Variants in PLAUR observed in about 807,000 individuals in gnomAD.
The protein encoded by PLAUR is plasminogen activator, urokinase receptor.
In PLAUR, 22 loss-of-function variants were observed where a neutral mutation model predicts 33.4. That is an observed-to-expected ratio of 0.66 (90% CI 0.47 to 0.94). The LOEUF is 0.94. Among genes scored for constraint, PLAUR ranks in the 40% least tolerant of loss-of-function variants. The pLI, the probability that PLAUR is intolerant of heterozygous loss-of-function variation, is 0.00. For synonymous variants in PLAUR, 148 were observed against 167.3 expected (o/e 0.88, Z 0.89); for missense variants, 408 against 434.7 (o/e 0.94, Z 0.55).
chr19:43,667,826 G>A, intron 1 of PLAUR, 135 bp from the exon 2 acceptor site: 1 of 1,464,212 alleles, frequency 6.8e-7, no homozygotes, highest in Non-Finnish European at 9.0e-7. Context: ...TGTTCTGCTG[G>A]GTTCCGGCCG....
intron 3 of PLAUR, chr19:43,661,414 T>C (rs1016075033): frequency 7.5e-6 from 1 of 132,956 alleles, no homozygotes; most frequent in African/African-American, 2.8e-5. Flanking sequence ...TTTTTTTTTT[T>C]GAAATGGAGT....
At chr19:43,648,072 A>G (rs1172932834), downstream of PLAUR, among the ~76,000 whole-genome samples, 1 of 151,600 alleles carries the variant, frequency 6.6e-6, no homozygotes, top group African/African-American at 2.4e-5. Context: ...AAGGGAGGCT[A>G]TCTGGGGGTT....
intron 3 of PLAUR, among the ~76,000 whole-genome samples, chr19:43,664,908 T>C (rs1568563741): frequency 1.3e-5 from 2 of 152,170 alleles, no homozygotes; most frequent in Admixed American, 1.3e-4. Flanking sequence ...TTGCAAGTTA[T>C]ACATAACAAC....
chr19:43,659,872 G>C (rs1974373007), intron 3 of PLAUR, among the ~76,000 whole-genome samples: 1 of 152,278 alleles, frequency 6.6e-6, no homozygotes, highest in African/African-American at 2.4e-5. Flanking sequence ...TTGAGTCACT[G>C]TTCTATATTT....
intron 5 of PLAUR, 67 bp downstream of exon 5, chr19:43,655,372 G>A (rs548914282): frequency 2.2e-5 from 34 of 1,524,718 alleles, no homozygotes; most frequent in Middle Eastern, 3.5e-4. Flanking sequence ...GAGTGACTGC[G>A]CAGCTGTCTG....
intron 5 of PLAUR, among the ~76,000 whole-genome samples, chr19:43,654,468 A>G (rs1039100898): frequency 6.6e-6 from 1 of 151,860 alleles, no homozygotes. Flanking sequence ...AAAATAAAAA[A>G]TTGGTGGTGC....
intron 2 of PLAUR, among the ~76,000 whole-genome samples, chr19:43,665,805 A>C (rs1043084574): frequency 6.8e-6 from 1 of 147,144 alleles, no homozygotes; most frequent in African/African-American, 2.5e-5. Context: ...CTGGAACCAC[A>C]GGCTTACATC....
At chr19:43,667,987 T>G in intron 1 of PLAUR, 3 of 1,235,280 alleles carry the variant, frequency 2.4e-6, no homozygotes, top group Non-Finnish European at 3.1e-6. Flanking sequence ...CTGACAGTCG[T>G]ATCCCCGCCC....
intron 1 of PLAUR, among the ~76,000 whole-genome samples, chr19:43,669,322 G>C (rs1022776821): frequency 6.6e-6 from 1 of 152,196 alleles, no homozygotes; most frequent in Non-Finnish European, 1.5e-5. Flanking sequence ...TTCTCAGAGG[G>C]GGAGACCCAG....
rs765588443 is a variant in PLAUR, at chr19:43,670,147, G to A, written c.-27C>T. On this transcript the variant is annotated 5_prime_UTR_variant, in exon 1 of 7. Coordinates refer to ENST00000340093, the MANE Select transcript of PLAUR (RefSeq NM_002659.4). Reference sequence around the variant, plus strand: ...TCGCGAGGGCAGCTCCTGTGCGCGGGGTCCCTGCACGTCTTCTCTCCTTCT... The same window carrying A: ...TCGCGAGGGCAGCTCCTGTGCGCGGAGTCCCTGCACGTCTTCTCTCCTTCT... 9.3e-6 allele frequency: 15 copies of A among 1,606,230 alleles called. No individual in the cohort carries two copies. In the South Asian group the frequency reaches 1.7e-4, roughly 18 times the overall value.
At chr19:43,668,289 C>T in intron 1 of PLAUR, 1 of 986,626 alleles carries the variant, frequency 1.0e-6, no homozygotes, top group Non-Finnish European at 1.2e-6. Context: ...TAGTTTCCCG[C>T]GAAGTTCTGT....
At chr19:43,655,370 G>A in intron 5 of PLAUR, 69 bp downstream of exon 5, 1 of 1,521,868 alleles carries the variant, frequency 6.6e-7, no homozygotes, top group Non-Finnish European at 9.0e-7. Context: ...GAGAGTGACT[G>A]CGCAGCTGTC....
At chr19:43,647,754 G>A (rs191388766), downstream of PLAUR, among the ~76,000 whole-genome samples, 287 of 152,142 alleles carry the variant, frequency 1.9e-3, 2 homozygotes, top group African/African-American at 6.3e-3. Flanking sequence ...GTGGTGAGCT[G>A]AGATTGTGTC....
At chr19:43,667,947 CT>C (rs1280938084) in intron 1 of PLAUR, 16 of 1,344,386 alleles carry the variant, frequency 1.2e-5, no homozygotes, top group Non-Finnish European at 1.4e-5. Context: ...CCCGTTTTTC[CT>C]TTCATTCTGT....
rs754524056 is a variant in PLAUR, at chr19:43,667,568, G to C, written c.166+13C>G. On this transcript the variant is annotated intron_variant, in intron 2 of 6. Coordinates refer to ENST00000340093, the MANE Select transcript of PLAUR (RefSeq NM_002659.4). ...CTGCGCTGGAGGGGTGTGTGGGTTGGGGGGAAGCTCACCTTCCCACAAGCG... is the reference window on the plus strand; with the variant it reads ...CTGCGCTGGAGGGGTGTGTGGGTTGCGGGGAAGCTCACCTTCCCACAAGCG... The C allele has an allele frequency of 5.7e-6, 9 of 1,586,882 alleles. No homozygotes were observed. Among genetic ancestry groups the C allele is most frequent in the Middle Eastern group, 1.7e-4 (1 of 5,910 alleles).
intron 3 of PLAUR, among the ~76,000 whole-genome samples, chr19:43,658,498 T>G (rs1254049307): frequency 1.3e-5 from 2 of 152,238 alleles, no homozygotes; most frequent in East Asian, 3.8e-4. Flanking sequence ...ATACACTACC[T>G]AATTGTCCCA....
intron 3 of PLAUR, among the ~76,000 whole-genome samples, chr19:43,658,840 A>G (rs746371289): frequency 2.6e-5 from 4 of 152,198 alleles, no homozygotes; most frequent in Non-Finnish European, 5.9e-5. Context: ...AAGGCCACCC[A>G]CGTCTTCTCA....
At chr19:43,668,044 C>T in intron 1 of PLAUR, 1 of 1,069,812 alleles carries the variant, frequency 9.3e-7, no homozygotes, top group Non-Finnish European at 1.1e-6. Context: ...TCTTTCTCAC[C>T]GCACCGGCCC....
At chr19:43,663,352 CAG>C (rs1377851173) in intron 3 of PLAUR, among the ~76,000 whole-genome samples, 2 of 133,602 alleles carry the variant, frequency 1.5e-5, no homozygotes, top group South Asian at 2.4e-4. Context: ...CACACACACA[CAG>C]GACTGTGAGT....
Sources: allele counts gnomAD v4.1 joint callset (sites outside exome capture counted in the v4.1 genomes callset), GRCh38; gene constraint gnomAD v4.1.1; transcripts MANE v1.5; gene names NCBI Gene and HGNC (gene_info 2026-07-23, HGNC 2026-07-21).